The following ATP8A1 variants were observed in gnomAD, a reference collection of about 807,000 sequenced individuals.
ATP8A1 encodes the protein phospholipid-transporting ATPase IA.
ATP8A1 carries 90 observed loss-of-function variants against 177.7 expected under a neutral mutation model. The ratio of observed to expected loss-of-function variants is 0.51; its 90% CI spans 0.43 to 0.60. The LOEUF (loss-of-function observed/expected upper bound fraction) is 0.60, where lower values mean the gene tolerates loss of function less well. Ranked by LOEUF, ATP8A1 falls within the 20% of genes least tolerant of loss-of-function variation. ATP8A1 has a pLI of 0.00. For missense variants in ATP8A1, 1,072 were observed against 1,392.8 expected (o/e 0.77, Z 3.67); for synonymous variants, 493 against 485.9 (o/e 1.01, Z -0.19).
chr4:42,598,028 C>T (rs1227132084), intron 6 of ATP8A1, among the ~76,000 whole-genome samples: 1 of 152,094 alleles, frequency 6.6e-6, no homozygotes, highest in Non-Finnish European at 1.5e-5. Flanking sequence ...AAATATTTCA[C>T]ATAGCCTGCC....
chr4:42,608,071 C>T (rs1735983135), intron 5 of ATP8A1, among the ~76,000 whole-genome samples: 1 of 152,196 alleles, frequency 6.6e-6, no homozygotes, highest in Non-Finnish European at 1.5e-5. Flanking sequence ...TCAAATGTAA[C>T]TTGTTTTTAT....
intron 22 of ATP8A1, among the ~76,000 whole-genome samples, chr4:42,510,648 G>T (rs1421548447): frequency 1.3e-5 from 2 of 151,984 alleles, no homozygotes; most frequent in African/African-American, 4.8e-5. Flanking sequence ...TGGGAGCCAA[G>T]ATACGAACAC....
intron 33 of ATP8A1, among the ~76,000 whole-genome samples, chr4:42,438,077 A>G (rs187994515): frequency 5.0e-4 from 76 of 152,312 alleles, no homozygotes; most frequent in African/African-American, 1.8e-3. Flanking sequence ...ATTAAAGTTG[A>G]TAAGTCTGGG....
chr4:42,460,138 T>C (rs1718945187), intron 27 of ATP8A1, among the ~76,000 whole-genome samples: 1 of 152,070 alleles, frequency 6.6e-6, no homozygotes, highest in African/African-American at 2.4e-5. Flanking sequence ...TTAGTGACCA[T>C]TACACCAAAC....
intron 20 of ATP8A1, among the ~76,000 whole-genome samples, chr4:42,532,795 CA>C (rs1196899184): frequency 2.0e-5 from 3 of 152,178 alleles, no homozygotes; most frequent in African/African-American, 4.8e-5. Flanking sequence ...TGAAGATGCA[CA>C]AAAGTGAAAA....
At chr4:42,608,264 G>C (rs1736006142) in intron 5 of ATP8A1, among the ~76,000 whole-genome samples, 1 of 93,210 alleles carries the variant, frequency 1.1e-5, no homozygotes, top group Admixed American at 1.2e-4. Context: ...TTCTCTGAGA[G>C]AAGCACGCCT....
At chr4:42,470,749 TATA>T (rs1218470955) in intron 25 of ATP8A1, among the ~76,000 whole-genome samples, 1 of 152,202 alleles carries the variant, frequency 6.6e-6, no homozygotes, top group Non-Finnish European at 1.5e-5. Context: ...AAGTGTTTTA[TATA>T]GTGACCAAGC....
At chr4:42,431,244 T>C (rs1715267808) in intron 33 of ATP8A1, among the ~76,000 whole-genome samples, 1 of 152,202 alleles carries the variant, frequency 6.6e-6, no homozygotes, top group African/African-American at 2.4e-5. Context: ...CAAAATAGTA[T>C]AATAATGCCT....
intron 6 of ATP8A1, among the ~76,000 whole-genome samples, chr4:42,595,639 A>G (rs966820775): frequency 6.6e-6 from 1 of 152,246 alleles, no homozygotes; most frequent in Non-Finnish European, 1.5e-5. Context: ...GAAAGATAAT[A>G]AAATGTAAAT....
In ATP8A1 at chr4:42,448,392, C is replaced by CTTACTTTACTTTTTTTTTTTTTTTT. The variant is rs1560335169; in HGVS notation, c.2897-1749_2897-1748insAAAAAAAAAAAAAAAAGTAAAGTAA. Among the ~76,000 whole-genome samples the CTTACTTTACTTTTTTTTTTTTTTTT allele has an allele frequency of 4.5e-4, 9 of 19,926 alleles. 1 individual carries two copies. Among genetic ancestry groups the CTTACTTTACTTTTTTTTTTTTTTTT allele is most frequent in the Admixed American group, 1.9e-3 (2 of 1,044 alleles). 13.1% of individuals were successfully genotyped at this position (19,926 alleles called of 152,430 possible). A position where few individuals can be genotyped will look rare whatever the true frequency, so the allele number is the denominator to read the frequency against. The stretch of plus-strand genomic sequence containing the variant: ...ACAAGTAGCCTCCCTCCCTCCTTCT[C>CTTACTTTACTTTTTTTTTTTTTTTT]TTTCTTTTCTTTTTTTTTTTTTTGA... On this transcript the variant is annotated intron_variant, in intron 30 of 36. Coordinates refer to ENST00000381668, the MANE Select transcript of ATP8A1 (RefSeq NM_006095.2).
chr4:42,428,049 G>A (rs1714825736), intron 33 of ATP8A1, among the ~76,000 whole-genome samples: 1 of 152,222 alleles, frequency 6.6e-6, no homozygotes, highest in Non-Finnish European at 1.5e-5. Context: ...TGTTATCCAA[G>A]CTGTGAAGAT....
chr4:42,573,047 T>C (rs767784156), intron 14 of ATP8A1, among the ~76,000 whole-genome samples: 15 of 152,336 alleles, frequency 9.8e-5, no homozygotes, highest in Non-Finnish European at 1.8e-4. Flanking sequence ...TCTTTAGAAC[T>C]ACTGCCTAGG....
At chr4:42,461,883 A>G (rs1381849035) in intron 27 of ATP8A1, among the ~76,000 whole-genome samples, 1 of 152,208 alleles carries the variant, frequency 6.6e-6, no homozygotes, top group Non-Finnish European at 1.5e-5. Flanking sequence ...GTGGTTTCAG[A>G]TGGAGATGAA....
chr4:42,546,061 G>C (rs1053326306), intron 19 of ATP8A1, among the ~76,000 whole-genome samples: 2 of 152,038 alleles, frequency 1.3e-5, no homozygotes, highest in African/African-American at 4.8e-5. Context: ...CTTTTTTCCT[G>C]ATATGATGGA....
intron 30 of ATP8A1, among the ~76,000 whole-genome samples, chr4:42,451,653 T>C (rs1191053117): frequency 6.6e-6 from 1 of 152,152 alleles, no homozygotes; most frequent in Non-Finnish European, 1.5e-5. Context: ...GCCTCATAGG[T>C]ATAATAAATA....
intron 30 of ATP8A1, among the ~76,000 whole-genome samples, chr4:42,447,508 G>A (rs1225664693): frequency 6.6e-6 from 1 of 152,136 alleles, no homozygotes; most frequent in Non-Finnish European, 1.5e-5. Context: ...TTTAGACGAA[G>A]GAAGTGGTAG....
At chr4:42,587,770 CT>C (rs1733775813) in intron 8 of ATP8A1, among the ~76,000 whole-genome samples, 1 of 152,014 alleles carries the variant, frequency 6.6e-6, no homozygotes, top group African/African-American at 2.4e-5. Context: ...CCATGCCCGG[CT>C]AATTTTTTGT....
intron 14 of ATP8A1, among the ~76,000 whole-genome samples, chr4:42,572,368 T>A (rs907472522): frequency 1.3e-5 from 2 of 152,148 alleles, no homozygotes; most frequent in Admixed American, 1.3e-4. Flanking sequence ...CAGTAATTAC[T>A]CTCTCTCACC....
intron 22 of ATP8A1, among the ~76,000 whole-genome samples, chr4:42,517,487 A>G (rs1183575344): frequency 1.3e-5 from 2 of 152,256 alleles, no homozygotes; most frequent in East Asian, 3.9e-4. Flanking sequence ...AAAAGAGACT[A>G]AGAGGTGTTA....
Sources: gnomAD v4.1 joint callset for allele counts (sites outside exome capture counted in the v4.1 genomes callset) on GRCh38, gnomAD v4.1.1 for gene constraint, MANE v1.5 for transcripts, NCBI Gene and HGNC (gene_info 2026-07-23, HGNC 2026-07-21) for gene names.